The following CTIF variants were observed in gnomAD, a reference collection of about 807,000 sequenced individuals.
The protein encoded by CTIF is cap binding complex dependent translation initiation factor.
A neutral mutation model predicts 66.0 loss-of-function variants in CTIF; 21 were observed. The observed-to-expected ratio is 0.32, with a 90% confidence interval of 0.23 to 0.46. CTIF has a LOEUF of 0.46. CTIF is among the 20% of genes least tolerant of loss of function. CTIF has a pLI of 1.00. For synonymous variants in CTIF, 345 were observed against 326.4 expected (o/e 1.06, Z -0.62); for missense variants, 739 against 812.7 (o/e 0.91, Z 1.10).
intron 7 of CTIF, among the ~76,000 whole-genome samples, chr18:48,730,182 G>C (rs1030148756): frequency 6.6e-6 from 1 of 152,066 alleles, no homozygotes; most frequent in Non-Finnish European, 1.5e-5. Flanking sequence ...CACAGTGTGA[G>C]GGGCCCCCGA....
At chr18:48,667,848 G>C (rs1255078105) in intron 5 of CTIF, among the ~76,000 whole-genome samples, 1 of 152,214 alleles carries the variant, frequency 6.6e-6, no homozygotes, top group Non-Finnish European at 1.5e-5. Context: ...TGCAGTGTCT[G>C]TGGCCACCTC....
chr18:48,697,397 A>T (rs370748480), intron 6 of CTIF, among the ~76,000 whole-genome samples: 149 of 152,320 alleles, frequency 9.8e-4, no homozygotes, highest in African/African-American at 3.4e-3. Flanking sequence ...GACCAGATGG[A>T]TTCCTTCTCA....
chr18:48,808,223 G>A (rs1391282029), intron 9 of CTIF, among the ~76,000 whole-genome samples: 1 of 152,102 alleles, frequency 6.6e-6, no homozygotes, highest in Non-Finnish European at 1.5e-5. Context: ...TACTGATATT[G>A]AATTAAGTTG....
chr18:48,707,267 A>G (rs1259610097), intron 6 of CTIF, among the ~76,000 whole-genome samples: 1 of 152,236 alleles, frequency 6.6e-6, no homozygotes, highest in Non-Finnish European at 1.5e-5. Context: ...CAAGGGATCT[A>G]TCCTTTTTAA....
At chr18:48,751,034 G>A (rs1356500529) in intron 7 of CTIF, among the ~76,000 whole-genome samples, 1 of 152,188 alleles carries the variant, frequency 6.6e-6, no homozygotes, top group Non-Finnish European at 1.5e-5. Context: ...TCTGGAAAAT[G>A]GAGTGAACAA....
intron 3 of CTIF, among the ~76,000 whole-genome samples, chr18:48,649,199 A>G (rs2091108560): frequency 1.3e-5 from 2 of 152,080 alleles, no homozygotes; most frequent in South Asian, 4.2e-4. Context: ...TCCCTTTCCT[A>G]GCTAAGGGAA....
chr18:48,736,017 C>T (rs1042582980), intron 7 of CTIF, among the ~76,000 whole-genome samples: 3 of 152,252 alleles, frequency 2.0e-5, no homozygotes, highest in South Asian at 2.1e-4. Context: ...ATGGTTGCCA[C>T]GAAGCATTTT....
At chr18:48,633,003 G>A (rs565108470) in intron 2 of CTIF, among the ~76,000 whole-genome samples, 2 of 32,406 alleles carry the variant, frequency 6.2e-5, no homozygotes, top group African/African-American at 9.6e-5. Flanking sequence ...GGATGTGCAC[G>A]AAGCCTCAGG....
chr18:48,769,566 C>G (rs1022179050), intron 9 of CTIF, among the ~76,000 whole-genome samples: 3 of 152,248 alleles, frequency 2.0e-5, no homozygotes, highest in Non-Finnish European at 4.4e-5. Context: ...GTCAGGCTGG[C>G]CTGGCATCAC....
intron 10 of CTIF, among the ~76,000 whole-genome samples, chr18:48,848,278 A>T (rs1190337029): frequency 6.6e-6 from 1 of 151,412 alleles, no homozygotes; most frequent in Non-Finnish European, 1.5e-5. Flanking sequence ...TGGCTCATCC[A>T]CCGGCCCAGC....
At chr18:48,820,239 A>G (rs574749678) in intron 10 of CTIF, among the ~76,000 whole-genome samples, 20 of 152,128 alleles carry the variant, frequency 1.3e-4, no homozygotes, top group Admixed American at 2.0e-4. Flanking sequence ...ACGGATCTCA[A>G]CAATCCTTGT....
chr18:48,775,269 C>G, intron 9 of CTIF, among the ~76,000 whole-genome samples: 1 of 152,368 alleles, frequency 6.6e-6, no homozygotes, highest in South Asian at 2.1e-4. Flanking sequence ...TTGTTAAAAT[C>G]CACTGAAATG....
At chr18:48,836,651 C>T (rs556813708) in intron 10 of CTIF, among the ~76,000 whole-genome samples, 1 of 152,340 alleles carries the variant, frequency 6.6e-6, no homozygotes, top group African/African-American at 2.4e-5. Flanking sequence ...GTGGGAAGCC[C>T]CAGGAGACTG....
At chr18:48,551,874 T>C (rs2088891565) in intron 1 of CTIF, among the ~76,000 whole-genome samples, 1 of 152,062 alleles carries the variant, frequency 6.6e-6, no homozygotes, top group South Asian at 2.1e-4. Context: ...GTCGGCTCAC[T>C]GCAAGCTCCG....
At chr18:48,703,770 C>T (rs565775209) in intron 6 of CTIF, among the ~76,000 whole-genome samples, 1 of 152,350 alleles carries the variant, frequency 6.6e-6, no homozygotes, top group South Asian at 2.1e-4. Flanking sequence ...CCCTCCACCA[C>T]CACCACCACC....
chr18:48,774,258 C>A (rs1287080756), intron 9 of CTIF, among the ~76,000 whole-genome samples: 3 of 152,182 alleles, frequency 2.0e-5, no homozygotes, highest in Non-Finnish European at 2.9e-5. Flanking sequence ...CCAGGAGAGG[C>A]GGATACACTC....
intron 2 of CTIF, among the ~76,000 whole-genome samples, chr18:48,628,209 T>A (rs1787177000): frequency 6.6e-6 from 1 of 152,190 alleles, no homozygotes; most frequent in African/African-American, 2.4e-5. Flanking sequence ...GAGTCCCGTT[T>A]GGGCATGAAA....
At chr18:48,819,449 G>T (rs188170659) in intron 10 of CTIF, among the ~76,000 whole-genome samples, 31 of 152,330 alleles carry the variant, frequency 2.0e-4, no homozygotes, top group Admixed American at 1.8e-3. Flanking sequence ...GCGTGATCTG[G>T]ACACCTCCTG....
chr18:48,681,403 G>A (rs553040604), intron 6 of CTIF, among the ~76,000 whole-genome samples: 3 of 152,024 alleles, frequency 2.0e-5, no homozygotes, highest in Non-Finnish European at 2.9e-5. Flanking sequence ...TACCTCCAGA[G>A]TGGGGCCCCC....
Sources: allele counts gnomAD v4.1 joint callset (sites outside exome capture counted in the v4.1 genomes callset), GRCh38; gene constraint gnomAD v4.1.1; transcripts MANE v1.5; gene names NCBI Gene and HGNC (gene_info 2026-07-23, HGNC 2026-07-21).